Variants in SPTB observed in about 807,000 individuals in gnomAD.
The protein encoded by SPTB is spectrin beta, erythrocytic, also known as spectrin beta chain, erythrocytic.
SPTB carries 45 observed loss-of-function variants against 256.2 expected under a neutral mutation model. The observed-to-expected ratio is 0.18, with a 90% confidence interval of 0.14 to 0.23. The LOEUF (loss-of-function observed/expected upper bound fraction) is 0.23, where lower values mean the gene tolerates loss of function less well. Among genes scored for constraint, SPTB ranks in the 10% least tolerant of loss-of-function variants. SPTB has a pLI of 1.00. For synonymous variants in SPTB, 1,231 were observed against 1,243.1 expected, an observed-to-expected ratio of 0.99 and a Z score of 0.21; for missense variants, 2,715 against 3,040.4, an observed-to-expected ratio of 0.89 and a Z score of 2.52.
intron 1 of SPTB, among the ~76,000 whole-genome samples, chr14:64,867,783 G>A (rs1882275168): frequency 6.6e-6 from 1 of 151,512 alleles, no homozygotes; most frequent in Non-Finnish European, 1.5e-5. Context: ...GAACCCGGAA[G>A]GTGGAGGCTG....
At chr14:64,765,035 T>TGCGCGCGC (rs1332635796) in intron 32 of SPTB, among the ~76,000 whole-genome samples, 3 of 115,882 alleles carry the variant, frequency 2.6e-5, no homozygotes, top group African/African-American at 1.0e-4. Context: ...CGTGTGTGTG[T>TGCGCGCGC]GTGTGTGCGC....
rs2139650674 is a variant in SPTB, at chr14:64,807,569, T to C, written c.149-2479A>G. ...GAATCCCCAGAGCCCCAAAACGCTT[T>C]GCAATGTTGAGACACAGAAAGATTT... is the stretch of plus-strand genomic sequence containing the variant. On this transcript the variant is annotated intron_variant, in intron 2 of 35. Transcript: ENST00000644917. This position sits in a 1 kb window ranked among gnomAD's most constrained non-coding sequence, Gnocchi z 4.7. 6.6e-6 allele frequency among the ~76,000 whole-genome samples: 1 copy of C among 152,296 alleles called. No individual in the cohort carries two copies. Among genetic ancestry groups the C allele is most frequent in the East Asian group, 1.9e-4 (1 of 5,190 alleles).
In SPTB at chr14:64,794,556, T is replaced by C; in HGVS notation, c.1706A>G (p.Lys569Arg). 6.2e-7 allele frequency: 1 copy of C among 1,614,176 alleles called. No individual in the cohort carries two copies. Among genetic ancestry groups the C allele is most frequent in the Middle Eastern group, 1.6e-4 (1 of 6,062 alleles). ...GATGTCAGCTTCCATCAACTTGTGC[T>C]TCTGTAGCAGGTCTTCAACCTCCAA... ...HLLEVEDLLQ[K>R]HKLMEADIAI... Residue 569 changes from lysine to arginine, a missense_variant, in exon 13 of 36, where the codon AAG becomes AGG. Coordinates refer to ENST00000644917, the MANE Select transcript of SPTB (RefSeq NM_001355436.2).
At chr14:64,830,334 CTTATTATTATTATTA>C (rs143669491) in intron 1 of SPTB, among the ~76,000 whole-genome samples, 1,911 of 138,566 alleles carry the variant, frequency 0.014, 19 homozygotes, top group African/African-American at 0.015. Flanking sequence ...ACTCTGGAGT[CTTATTATTATTATTA>C]TTATTATTAT....
At position 64,826,757 on chromosome 14, in the gene SPTB, T is replaced by C. The variant is rs574058955; in HGVS notation, c.-51-3612A>G. Among the ~76,000 whole-genome samples the C allele has an allele frequency of 1.1e-3, 160 of 152,218 alleles. No homozygotes were observed. The highest frequency in any genetic ancestry group is 2.0e-3 in the Non-Finnish European group (138 of 68,002). ...GACTCTGTGCCCAGAGAGGTCCACC[T>C]GCCCCATCCATCCATCCACCTGCCC... On this transcript the variant is annotated intron_variant, in intron 1 of 35. Coordinates refer to ENST00000644917, the MANE Select transcript of SPTB (RefSeq NM_001355436.2). The surrounding 1 kb of genome is among the most constrained non-coding windows in gnomAD (Gnocchi z 4.4).
intron 32 of SPTB, among the ~76,000 whole-genome samples, chr14:64,762,204 T>G (rs1270371420): frequency 6.6e-6 from 1 of 152,188 alleles, no homozygotes; most frequent in Non-Finnish European, 1.5e-5. Context: ...AAAACTGATG[T>G]TGTTTCCAGC....
At chr14:64,797,539 G>A (rs2082799032) in intron 10 of SPTB, among the ~76,000 whole-genome samples, 190 bp downstream of exon 10, 1 of 143,762 alleles carries the variant, frequency 7.0e-6, no homozygotes. Context: ...CAGGGGGATT[G>A]AAGGAGGGTG....
In SPTB at chr14:64,768,088, C is replaced by G. The variant is rs2082219196; in HGVS notation, c.6023-229G>C. 5 of 600,754 alleles carry G rather than the reference C, an allele frequency of 8.3e-6. No individual in the cohort carries two copies. In the East Asian group the frequency reaches 1.5e-4, roughly 18 times the overall value. The allele number at this position is 600,754 out of a possible 1,614,324, so 37.2% of individuals were successfully genotyped here. ...GGAGGGCTTCAATCTGTCACCCAGG[C>G]TGGAGTGCAGTGATGTGATTATGGC... On this transcript the variant is annotated intron_variant, in intron 29 of 35. Coordinates refer to ENST00000644917, the MANE Select transcript of SPTB (RefSeq NM_001355436.2).
At chr14:64,787,181 C>A in intron 15 of SPTB, 21 bp from the exon 16 acceptor site, 1 of 1,601,312 alleles carries the variant, frequency 6.2e-7, no homozygotes, top group Non-Finnish European at 8.5e-7. Context: ...GGGACACAGC[C>A]CGGAGGAGAG....
intron 33 of SPTB, chr14:64,752,350 GCA>G (rs1288479850): frequency 1.5e-5 from 14 of 951,096 alleles, no homozygotes; most frequent in Non-Finnish European, 1.9e-5. Flanking sequence ...AACTAGTAGG[GCA>G]CATAGGGAGG....
chr14:64,856,227 T>G (rs530220663), intron 1 of SPTB, among the ~76,000 whole-genome samples: 10 of 152,300 alleles, frequency 6.6e-5, no homozygotes, highest in African/African-American at 2.4e-4. Context: ...TCGCTTCAGT[T>G]TTACAAGGCA....
chr14:64,809,909 A>T (rs1004384630), intron 2 of SPTB, among the ~76,000 whole-genome samples: 2 of 152,214 alleles, frequency 1.3e-5, no homozygotes, highest in African/African-American at 4.8e-5. Flanking sequence ...AAAAAACTCA[A>T]CATCATCAAG....
At chr14:64,804,060 G>C (rs2082938391) in intron 3 of SPTB, among the ~76,000 whole-genome samples, 1 of 152,234 alleles carries the variant, frequency 6.6e-6, no homozygotes, top group Non-Finnish European at 1.5e-5. Flanking sequence ...TTTGCTTACG[G>C]TAACATAACA....
Position 64,822,999 on chromosome 14 carries a change from A to T in SPTB, c.96T>A (p.Asn32Lys). 1 of 1,614,058 alleles carries T rather than the reference A, an allele frequency of 6.2e-7. No homozygotes were observed. The highest frequency in any genetic ancestry group is 2.2e-5 in the East Asian group (1 of 44,880). Reference protein sequence around the residue: ...RWDAPDDELDNDNSSARLFER... With the variant: ...RWDAPDDELDKDNSSARLFER... ...CAAAGAGCCTGGCTGAGCTGTTGTC[A>T]TTATCCAGCTCGTCGTCTGGGGCGT... Residue 32 changes from asparagine to lysine, a missense_variant, in exon 2 of 36, where the codon AAT becomes AAA. This residue lies in a region of SPTB where 58 missense variants were observed against 67.9 expected (regional missense o/e 0.85). Transcript: ENST00000644917.
chr14:64,786,209 CCAAGAA>C lies in SPTB; in HGVS notation c.3561+189_3561+194del, dbSNP rs1303941332. ...TGCGCTTCTCTAGCCTCTGATAGACCCAAGAACAAGGCGTAGTTTGGGACACAAGGC... is the reference window on the plus strand; with the variant it reads ...TGCGCTTCTCTAGCCTCTGATAGACCCAAGGCGTAGTTTGGGACACAAGGC... On this transcript the variant is annotated intron_variant, in intron 16 of 35. Transcript: ENST00000644917. This position sits in a 1 kb window ranked among gnomAD's most constrained non-coding sequence, Gnocchi z 5.6. Among the ~76,000 whole-genome samples the C allele has an allele frequency of 6.6e-6, 1 of 152,128 alleles. No individual in the cohort carries two copies. Among genetic ancestry groups the C allele is most frequent in the Non-Finnish European group, 1.5e-5 (1 of 68,036 alleles).
rs1442476174 is a variant in SPTB at position 64,790,973 on chromosome 14, T to C, written c.2804+746A>G. Among the ~76,000 whole-genome samples the C allele has an allele frequency of 6.6e-6, 1 of 152,188 alleles. No homozygotes were observed. The highest frequency in any genetic ancestry group is 1.5e-5 in the Non-Finnish European group (1 of 68,026). On this transcript the variant is annotated intron_variant, in intron 15 of 35. Transcript: ENST00000644917. This position sits in a 1 kb window ranked among gnomAD's most constrained non-coding sequence, Gnocchi z 4.8. Reference sequence around the variant, plus strand: ...TTCAAGCCAGCCTCATTATCGATACTGCATTTGGCAGAGGCAGGAGCATTA... The same window carrying C: ...TTCAAGCCAGCCTCATTATCGATACCGCATTTGGCAGAGGCAGGAGCATTA...
Position 64,779,123 on chromosome 14 carries a change from G to A in SPTB, c.4563+34C>T. ...TGGGGCCAGGTGGGGGTGAGGAGGG[G>A]TGGGTGGGGCTGGTGAGGTGACGCA... On this transcript the variant is annotated intron_variant, in intron 22 of 35. Transcript: ENST00000644917. The surrounding 1 kb of genome is among the most constrained non-coding windows in gnomAD (Gnocchi z 4.2). The A allele has an allele frequency of 6.3e-7, 1 of 1,585,000 alleles. No homozygotes were observed. The highest frequency in any genetic ancestry group is 8.6e-7 in the Non-Finnish European group (1 of 1,158,058).
At chr14:64,869,623 T>TTA (rs1555378952) in intron 1 of SPTB, among the ~76,000 whole-genome samples, 2 of 138,606 alleles carry the variant, frequency 1.4e-5, no homozygotes, top group African/African-American at 5.8e-5. Flanking sequence ...TTTTTTAAAT[T>TTA]TTTTTTTTTT....
rs1214829929 is a variant in SPTB, at chr14:64,825,955, G to A, written c.-51-2810C>T. 1.3e-5 allele frequency among the ~76,000 whole-genome samples: 2 copies of A among 152,236 alleles called. No individual in the cohort carries two copies. Among genetic ancestry groups the A allele is most frequent in the African/African-American group, 4.8e-5 (2 of 41,468 alleles). On this transcript the variant is annotated intron_variant, in intron 1 of 35. Coordinates refer to ENST00000644917, the MANE Select transcript of SPTB (RefSeq NM_001355436.2). This position sits in a 1 kb window ranked among gnomAD's most constrained non-coding sequence, Gnocchi z 4.8. Reference sequence around the variant, plus strand: ...GGAATGGGAAGAGATGTATATGTGTGTCTAAATATACAGCTGGAGGGTTTT... The same window carrying A: ...GGAATGGGAAGAGATGTATATGTGTATCTAAATATACAGCTGGAGGGTTTT...
Sources: allele counts gnomAD v4.1 joint callset (sites outside exome capture counted in the v4.1 genomes callset), GRCh38; gene constraint gnomAD v4.1.1; regional missense constraint gnomAD v4.1.1; non-coding constraint Gnocchi (gnomAD v3.1); transcripts MANE v1.5; gene names NCBI Gene and HGNC (gene_info 2026-07-23, HGNC 2026-07-21).